Variants in PTK2 observed in about 807,000 individuals in gnomAD.
PTK2 encodes focal adhesion kinase 1.
PTK2 carries 45 observed loss-of-function variants against 150.1 expected under a neutral mutation model. That is an observed-to-expected ratio of 0.30 (90% CI 0.24 to 0.38). The LOEUF (loss-of-function observed/expected upper bound fraction) is 0.38, where lower values mean the gene tolerates loss of function less well. PTK2 is among the 10% of genes least tolerant of loss of function. PTK2 has a pLI of 1.00. For missense variants in PTK2, 919 were observed against 1,307.3 expected, an observed-to-expected ratio of 0.70 and a Z score of 4.58; for synonymous variants, 432 against 449.2, an observed-to-expected ratio of 0.96 and a Z score of 0.48.
At chr8:140,886,657 GC>G (rs2100152430) in intron 3 of PTK2, among the ~76,000 whole-genome samples, 1 of 152,096 alleles carries the variant, frequency 6.6e-6, no homozygotes, top group South Asian at 2.1e-4. Flanking sequence ...TTCAAAGAGA[GC>G]CCATGCTATT....
At chr8:140,691,200 T>TG (rs905856680) in intron 26 of PTK2, among the ~76,000 whole-genome samples, 22 of 136,442 alleles carry the variant, frequency 1.6e-4, no homozygotes, top group East Asian at 2.1e-4. Flanking sequence ...TGGTTGGGGG[T>TG]GGGGGGTCTC....
chr8:140,899,284 A>T (rs2100157516), intron 2 of PTK2, among the ~76,000 whole-genome samples: 1 of 152,208 alleles, frequency 6.6e-6, no homozygotes, highest in Admixed American at 6.5e-5. Context: ...AAAGAAAAAT[A>T]AACCAAAAAG....
At chr8:140,717,521 T>C in intron 23 of PTK2, 77 bp downstream of exon 26, 1 of 1,139,286 alleles carries the variant, frequency 8.8e-7, no homozygotes, top group Non-Finnish European at 1.3e-6. Flanking sequence ...TTTCTCCTCA[T>C]AGAAAACAGC....
chr8:140,844,771 T>A (rs1009576058), intron 7 of PTK2, among the ~76,000 whole-genome samples: 3 of 152,192 alleles, frequency 2.0e-5, no homozygotes, highest in African/African-American at 7.2e-5. Context: ...ATAAGAGACT[T>A]TTTTTAATGC....
At chr8:140,923,325 C>T (rs894185423) in intron 2 of PTK2, among the ~76,000 whole-genome samples, 2 of 152,074 alleles carry the variant, frequency 1.3e-5, no homozygotes, top group Admixed American at 6.6e-5. Flanking sequence ...ATAACCTATA[C>T]CTTTTATCAA....
chr8:140,838,820 C>T (rs1259513007), intron 7 of PTK2, among the ~76,000 whole-genome samples: 1 of 152,056 alleles, frequency 6.6e-6, no homozygotes, highest in Non-Finnish European at 1.5e-5. Flanking sequence ...TCCTGGCTAA[C>T]ATGGTGAAAT....
intron 14 of PTK2, chr8:140,770,799 C>A: frequency 7.6e-7 from 1 of 1,310,552 alleles, no homozygotes; most frequent in Non-Finnish European, 1.0e-6. Context: ...GTGACTGACT[C>A]CTTTATAAAG....
At chr8:140,809,277 T>C (rs2100100039) in intron 10 of PTK2, among the ~76,000 whole-genome samples, 1 of 152,120 alleles carries the variant, frequency 6.6e-6, no homozygotes, top group African/African-American at 2.4e-5. Context: ...ACTGCTGCAA[T>C]ACATCACTAA....
At chr8:140,767,430 T>C (rs184668318) in intron 14 of PTK2, among the ~76,000 whole-genome samples, 118 of 119,228 alleles carry the variant, frequency 9.9e-4, no homozygotes, top group Non-Finnish European at 1.6e-3. Flanking sequence ...TGCAAAAGTT[T>C]ATAACCCTCT....
intron 3 of PTK2, among the ~76,000 whole-genome samples, chr8:140,887,779 T>C (rs1181803244): frequency 6.6e-6 from 1 of 152,214 alleles, no homozygotes; most frequent in Non-Finnish European, 1.5e-5. Context: ...AGTATTATCA[T>C]TTAACATGTA....
chr8:140,898,962 T>C (rs936861823), intron 2 of PTK2, among the ~76,000 whole-genome samples: 27 of 152,174 alleles, frequency 1.8e-4, no homozygotes, highest in African/African-American at 5.8e-4. Flanking sequence ...GCTTTAAGAA[T>C]CTGGGTAATA....
chr8:140,725,194 C>T (rs2100045026), intron 22 of PTK2, among the ~76,000 whole-genome samples: 1 of 149,492 alleles, frequency 6.7e-6, no homozygotes, highest in Non-Finnish European at 1.5e-5. Flanking sequence ...AGTGCAGTGG[C>T]TCGATCACGG....
chr8:140,662,392 T>C (rs2081810677), intron 31 of PTK2, among the ~76,000 whole-genome samples: 1 of 152,138 alleles, frequency 6.6e-6, no homozygotes, highest in Non-Finnish European at 1.5e-5. Context: ...TTAGACTTTA[T>C]CAACTAGAGT....
rs552461375 is a variant in PTK2 at position 140,706,849 on chromosome 8, A to G, written c.2143-644T>C. On this transcript the variant is annotated intron_variant, in intron 23 of 31. Transcript: ENST00000522684. Reference sequence around the variant, plus strand: ...AATTAGAGGCCAGCCTGGGCAACGTAGCAAGACTGTACCTTTGAAAAAAAC... The same window carrying G: ...AATTAGAGGCCAGCCTGGGCAACGTGGCAAGACTGTACCTTTGAAAAAAAC... Among the ~76,000 whole-genome samples the G allele has an allele frequency of 3.9e-5, 6 of 152,366 alleles. No individual in the cohort carries two copies. The South Asian group carries it at 1.2e-3, about 32-fold the overall frequency.
At chr8:140,797,795 C>T (rs1245923876) in intron 12 of PTK2, among the ~76,000 whole-genome samples, 1 of 152,130 alleles carries the variant, frequency 6.6e-6, no homozygotes, top group Non-Finnish European at 1.5e-5. Flanking sequence ...ATGTTCTCCC[C>T]AGGAAAATCA....
At chr8:140,975,551 T>C (rs1189552648) in intron 1 of PTK2, among the ~76,000 whole-genome samples, 1 of 152,196 alleles carries the variant, frequency 6.6e-6, no homozygotes, top group East Asian at 1.9e-4. Context: ...AGCCAGTTTT[T>C]ACATGGTTCC....
intron 1 of PTK2, among the ~76,000 whole-genome samples, chr8:140,993,012 C>T (rs546442366): frequency 1.3e-5 from 2 of 152,312 alleles, no homozygotes; most frequent in Admixed American, 1.3e-4. Flanking sequence ...ATAAAAACTT[C>T]CATCATTTTG....
intron 13 of PTK2, among the ~76,000 whole-genome samples, chr8:140,791,942 T>C (rs1278169211): frequency 6.6e-6 from 1 of 152,178 alleles, no homozygotes; most frequent in African/African-American, 2.4e-5. Context: ...GTTAAGAATA[T>C]TGCAAAGTAT....
intron 1 of PTK2, among the ~76,000 whole-genome samples, chr8:140,942,318 G>T (rs186833978): frequency 2.0e-5 from 3 of 152,100 alleles, no homozygotes; most frequent in Admixed American, 1.3e-4. Flanking sequence ...TATTTATAAC[G>T]CTGATAAAAC....
Sources: allele counts gnomAD v4.1 joint callset (sites outside exome capture counted in the v4.1 genomes callset), GRCh38; gene constraint gnomAD v4.1.1; transcripts MANE v1.5; gene names NCBI Gene and HGNC (gene_info 2026-07-23, HGNC 2026-07-21).